RBP2: variants seen among roughly 807,000 people sequenced by gnomAD.
RBP2 encodes retinol-binding protein 2.
In RBP2, 17 loss-of-function variants were observed where a neutral mutation model predicts 17.0. That is an observed-to-expected ratio of 1.00 (90% CI 0.68 to 1.50). The LOEUF (loss-of-function observed/expected upper bound fraction) is 1.50, where lower values mean the gene tolerates loss of function less well. Ranked by LOEUF, RBP2 falls within the 40% of genes most tolerant of loss-of-function variation. The pLI is 0.00. For missense variants in RBP2, 158 were observed against 168.2 expected (o/e 0.94, Z 0.33); for synonymous variants, 48 against 57.1 (o/e 0.84, Z 0.72).
At chr3:139,464,198 G>C (rs1245835969) in intron 1 of RBP2, among the ~76,000 whole-genome samples, 3 of 152,078 alleles carry the variant, frequency 2.0e-5, no homozygotes, top group African/African-American at 7.2e-5. Flanking sequence ...GGTGGCTCAC[G>C]CCTGTAATCC....
intron 1 of RBP2, among the ~76,000 whole-genome samples, chr3:139,469,014 C>A (rs949799874): frequency 4.6e-5 from 7 of 152,164 alleles, no homozygotes; most frequent in African/African-American, 1.7e-4. Flanking sequence ...TGCTACTCAA[C>A]ATTAAAATGC....
intron 3 of RBP2, 25 bp from the exon 4 acceptor site, chr3:139,453,191 G>A: frequency 6.2e-7 from 1 of 1,613,922 alleles, no homozygotes; most frequent in Non-Finnish European, 8.5e-7. Flanking sequence ...AGTGGGTGAG[G>A]GTCTAACAAG....
At chr3:139,454,863 C>T in intron 2 of RBP2, 33 bp from the exon 3 acceptor site, 1 of 1,596,064 alleles carries the variant, frequency 6.3e-7, no homozygotes, top group Non-Finnish European at 8.6e-7. Context: ...AAATCAAACA[C>T]ATGGTCTTGA....
At chr3:139,464,992 C>G (rs1933310041) in intron 1 of RBP2, among the ~76,000 whole-genome samples, 1 of 152,182 alleles carries the variant, frequency 6.6e-6, no homozygotes, top group Non-Finnish European at 1.5e-5. Context: ...AAGCTACTTA[C>G]TGTTAAAGTG....
intron 2 of RBP2, among the ~76,000 whole-genome samples, chr3:139,461,261 A>G (rs561711254): frequency 1.3e-5 from 2 of 152,274 alleles, no homozygotes; most frequent in African/African-American, 4.8e-5. Context: ...ATTTACAAAC[A>G]GCTCCTGTGG....
chr3:139,466,358 C>G (rs986350310), intron 1 of RBP2: 2 of 152,224 alleles, frequency 1.3e-5, no homozygotes, highest in African/African-American at 4.8e-5. Context: ...TTTAATTTTT[C>G]TCTCTTCAAG....
At chr3:139,473,294 C>T (rs962485367) in intron 1 of RBP2, among the ~76,000 whole-genome samples, 1 of 152,194 alleles carries the variant, frequency 6.6e-6, no homozygotes, top group African/African-American at 2.4e-5. Flanking sequence ...ATGTGTTACT[C>T]TGCTGAGACT....
intron 1 of RBP2, among the ~76,000 whole-genome samples, chr3:139,470,594 C>G (rs1473051130): frequency 2.0e-5 from 3 of 151,940 alleles, no homozygotes; most frequent in African/African-American, 4.8e-5. Context: ...CCTTTCTACT[C>G]TCACTCCCTG....
intron 1 of RBP2, among the ~76,000 whole-genome samples, chr3:139,473,697 A>G (rs1933637020): frequency 6.6e-6 from 1 of 152,134 alleles, no homozygotes. Context: ...AGCAGGTTAG[A>G]TTGAAGGGGC....
At chr3:139,467,945 G>A (rs538707297) in intron 1 of RBP2, among the ~76,000 whole-genome samples, 209 of 152,008 alleles carry the variant, frequency 1.4e-3, no homozygotes, top group Non-Finnish European at 2.5e-3. Flanking sequence ...CTATAGTCTG[G>A]TGATGGGTAG....
rs543126754 is a variant in RBP2 at position 139,459,632 on chromosome 3, AAAAG to A, written c.252+2476_252+2479del. Among the ~76,000 whole-genome samples the A allele has an allele frequency of 1.1e-3, 173 of 151,680 alleles. 1 individual carries two copies. Among genetic ancestry groups the A allele is most frequent in the African/African-American group, 3.9e-3 (162 of 41,392 alleles). ...GAGTGAAACTCTGTCTCAAAAAAAA[AAAAG>A]AAAGAAATTAATCAGAGAAAGAGAT... On this transcript the variant is annotated intron_variant, in intron 2 of 3. Coordinates refer to ENST00000232217, the MANE Select transcript of RBP2 (RefSeq NM_004164.3).
At chr3:139,468,848 A>T (rs1289185978) in intron 1 of RBP2, among the ~76,000 whole-genome samples, 4 of 152,182 alleles carry the variant, frequency 2.6e-5, no homozygotes, top group Non-Finnish European at 1.5e-5. Context: ...TTTCTATCTC[A>T]GAAGGAAAGG....
intron 1 of RBP2, 107 bp from the exon 2 acceptor site, chr3:139,462,397 C>A (rs565065950): frequency 6.0e-6 from 7 of 1,166,606 alleles, no homozygotes; most frequent in Non-Finnish European, 7.5e-6. Flanking sequence ...GTGTGTAGGC[C>A]ACCTGTCTTT....
intron 1 of RBP2, among the ~76,000 whole-genome samples, chr3:139,471,412 G>A (rs1933565528): frequency 6.6e-6 from 1 of 152,194 alleles, no homozygotes. Flanking sequence ...TCTGACTTCA[G>A]CCTCTCAGGG....
intron 1 of RBP2, among the ~76,000 whole-genome samples, chr3:139,469,583 G>A (rs548955962): frequency 1.8e-4 from 28 of 152,264 alleles, no homozygotes; most frequent in Middle Eastern, 3.4e-3. Flanking sequence ...TTGGCAACGT[G>A]TATACCTTCA....
At chr3:139,463,213 G>T (rs2107873528) in intron 1 of RBP2, among the ~76,000 whole-genome samples, 1 of 151,980 alleles carries the variant, frequency 6.6e-6, no homozygotes, top group South Asian at 2.1e-4. Context: ...TTGAGATGGA[G>T]TCTCGCTCTG....
At chr3:139,462,019 G>A (rs1471995199) in intron 2 of RBP2, 93 bp downstream of exon 2, 2 of 1,372,998 alleles carry the variant, frequency 1.5e-6, no homozygotes, top group African/African-American at 2.9e-5. Context: ...TTTTTCCCAG[G>A]TTGTTTCTAA....
chr3:139,459,829 T>G (rs1022726533), intron 2 of RBP2, among the ~76,000 whole-genome samples: 8 of 141,618 alleles, frequency 5.6e-5, no homozygotes, highest in Non-Finnish European at 1.2e-4. Context: ...TAAGGGTGTG[T>G]GTGAGTGTGT....
chr3:139,470,115 A>G (rs541883528), intron 1 of RBP2, among the ~76,000 whole-genome samples: 32 of 152,274 alleles, frequency 2.1e-4, no homozygotes, highest in African/African-American at 7.5e-4. Flanking sequence ...AATGTGTAAC[A>G]TATCTGAAAC....
Sources: allele counts gnomAD v4.1 joint callset (sites outside exome capture counted in the v4.1 genomes callset), GRCh38; gene constraint gnomAD v4.1.1; transcripts MANE v1.5; gene names NCBI Gene and HGNC (gene_info 2026-07-23, HGNC 2026-07-21).